The following CFTR variants were observed in gnomAD, a reference collection of about 807,000 sequenced individuals.
The protein encoded by CFTR is cystic fibrosis transmembrane conductance regulator.
In CFTR, 181 loss-of-function variants were observed where a neutral mutation model predicts 171.6. That is an observed-to-expected ratio of 1.05 (90% confidence interval 0.93 to 1.19). CFTR has a LOEUF of 1.19. Among genes scored for constraint, CFTR ranks in the 50% most tolerant of loss-of-function variants. CFTR has a pLI of 0.00. For synonymous variants in CFTR, 583 were observed against 608.0 expected, an observed-to-expected ratio of 0.96 and a Z score of 0.60; for missense variants, 1,968 against 1,734.7, an observed-to-expected ratio of 1.13 and a Z score of -2.39.
Position 117,666,974 on chromosome 7 carries a change from T to C in CFTR, c.4309T>C (p.Phe1437Leu). 6.2e-7 allele frequency: 1 copy of C among 1,614,018 alleles called. No individual in the cohort carries two copies. Among genetic ancestry groups the C allele is most frequent in the East Asian group, 2.2e-5 (1 of 44,846 alleles). Reference sequence around the variant, plus strand: ...GAAACTGCTGAACGAGAGGAGCCTCTTCCGGCAAGCCATCAGCCCCTCCGA... The same window carrying C: ...GAAACTGCTGAACGAGAGGAGCCTCCTCCGGCAAGCCATCAGCCCCTCCGA... Reference protein sequence around the residue: ...IQKLLNERSLFRQAISPSDRV... With the variant: ...IQKLLNERSLLRQAISPSDRV... The change falls in exon 27 of 27, where the codon TTC becomes CTC. Residue 1437 changes from phenylalanine (F) to leucine (L), a missense_variant. Phe to Leu is a conservative substitution (Grantham distance 22, BLOSUM62 0). Transcript: ENST00000003084.
At chr7:117,530,531 G>C (rs1387383278) in intron 3 of CFTR, among the ~76,000 whole-genome samples, 1 of 152,056 alleles carries the variant, frequency 6.6e-6, no homozygotes, top group Non-Finnish European at 1.5e-5. Flanking sequence ...AGCCTACTCT[G>C]ATACTGAAAG....
At chr7:117,583,314 T>G (rs1188215206) in intron 11 of CFTR, among the ~76,000 whole-genome samples, 1 of 149,208 alleles carries the variant, frequency 6.7e-6, no homozygotes, top group Non-Finnish European at 1.5e-5. Context: ...TAGTCTTTTA[T>G]CCCCCCCCCG....
chr7:117,573,068 CTCTCTT>C (rs1791720077), intron 11 of CFTR, among the ~76,000 whole-genome samples: 1 of 151,642 alleles, frequency 6.6e-6, no homozygotes, highest in African/African-American at 2.4e-5. Flanking sequence ...TGCTCTCTCT[CTCTCTT>C]TCTGTCAATA....
intron 10 of CFTR, among the ~76,000 whole-genome samples, chr7:117,551,957 G>A (rs1799278298): frequency 6.6e-6 from 1 of 152,048 alleles, no homozygotes; most frequent in African/African-American, 2.4e-5. Flanking sequence ...TATAGAATAA[G>A]CTATTAGCTC....
At chr7:117,486,896 GGAGAGAGA>G (rs138257490) in intron 1 of CFTR, among the ~76,000 whole-genome samples, 2 of 113,584 alleles carry the variant, frequency 1.8e-5, no homozygotes, top group African/African-American at 6.7e-5. Context: ...GAGGGGGCGG[GGAGAGAGA>G]GAGAGAGAGA....
At chr7:117,567,478 A>T (rs2115963282) in intron 11 of CFTR, among the ~76,000 whole-genome samples, 1 of 152,324 alleles carries the variant, frequency 6.6e-6, no homozygotes, top group East Asian at 1.9e-4. Flanking sequence ...TATTCCCATT[A>T]TTATATTTCA....
rs1282828056 is a variant in CFTR, at chr7:117,566,371, G to T, written c.1584+6716G>T. Among the ~76,000 whole-genome samples, 7 of 152,108 alleles carry T rather than the reference G, an allele frequency of 4.6e-5. No homozygotes were observed. The South Asian group carries it at 1.5e-3, about 32-fold the overall frequency. ...AATAGCTTGAACCCAGAAGGCGGAG[G>T]TTGCTGTGAGCTGAGATTGCGCCAC... On this transcript the variant is annotated intron_variant, in intron 11 of 26. Transcript: ENST00000003084.
chr7:117,551,608 G>A (rs1386173821), intron 10 of CFTR, among the ~76,000 whole-genome samples: 1 of 152,086 alleles, frequency 6.6e-6, no homozygotes. Context: ...CACTTGACAG[G>A]TATATTATAG....
intron 23 of CFTR, among the ~76,000 whole-genome samples, chr7:117,645,098 C>T (rs1792979333): frequency 1.3e-5 from 2 of 152,170 alleles, no homozygotes; most frequent in African/African-American, 4.8e-5. Context: ...CCACACATAA[C>T]TCCCACCTCA....
chr7:117,610,546 G>A lies in CFTR; in HGVS notation c.3016G>A (p.Ala1006Thr), dbSNP rs780295120. 1 of 1,613,268 alleles carries A rather than the reference G, an allele frequency of 6.2e-7. No individual in the cohort carries two copies. Among genetic ancestry groups the A allele is most frequent in the Non-Finnish European group, 8.5e-7 (1 of 1,179,548 alleles). Reference sequence around the variant, plus strand: ...GTTATTAATTGTGATTGGAGCTATAGCAGTTGTCGCAGTTTTACAACCCTA... The same window carrying A: ...GTTATTAATTGTGATTGGAGCTATAACAGTTGTCGCAGTTTTACAACCCTA... ...QLLLIVIGAI[A>T]VVAVLQPYIF... Residue 1006 changes from alanine to threonine, a missense_variant, in exon 19 of 27, where the codon GCA (alanine) becomes ACA (threonine). Ala to Thr is a moderately conservative substitution (Grantham distance 58). Coordinates refer to ENST00000003084, the MANE Select transcript of CFTR (RefSeq NM_000492.4).
intron 11 of CFTR, among the ~76,000 whole-genome samples, chr7:117,574,017 A>T (rs574225109): frequency 1.5e-4 from 23 of 152,128 alleles, no homozygotes; most frequent in Admixed American, 7.9e-4. Context: ...ACTGCTTTTT[A>T]AAAAAATTAT....
intron 21 of CFTR, among the ~76,000 whole-genome samples, chr7:117,623,264 C>T (rs1196794273): frequency 6.6e-6 from 1 of 152,210 alleles, no homozygotes; most frequent in Non-Finnish European, 1.5e-5. Flanking sequence ...AAGAAAAGTG[C>T]TCCTACGGAA....
chr7:117,545,002 G>A (rs994969433), intron 9 of CFTR, among the ~76,000 whole-genome samples: 2 of 152,172 alleles, frequency 1.3e-5, no homozygotes, highest in Admixed American at 6.5e-5. Flanking sequence ...AGGCCTCTGT[G>A]TTAGTCTGTT....
At chr7:117,647,447 T>G (rs774806789) in intron 23 of CFTR, 11 of 152,074 alleles carry the variant, frequency 7.2e-5, no homozygotes. Flanking sequence ...GAAGCAGGCA[T>G]GTTACACGAC....
chr7:117,514,188 T>TC (rs1308467198), intron 3 of CFTR, among the ~76,000 whole-genome samples: 1 of 152,068 alleles, frequency 6.6e-6, no homozygotes, highest in East Asian at 1.9e-4. Context: ...TTTTATTTTT[T>TC]CTTCTAAAAA....
intron 1 of CFTR, among the ~76,000 whole-genome samples, chr7:117,491,630 A>G (rs1174900935): frequency 1.3e-5 from 2 of 151,940 alleles, no homozygotes. Context: ...CTCTGTTTTC[A>G]TCTTCACATG....
intron 12 of CFTR, 34 bp from the exon 13 acceptor site, chr7:117,590,319 A>G: frequency 6.3e-7 from 1 of 1,593,602 alleles, no homozygotes; most frequent in Non-Finnish European, 8.6e-7. Flanking sequence ...GGAAATAGAG[A>G]GGAAATGTAA....
At chr7:117,615,289 C>T (rs1019266649) in intron 21 of CFTR, among the ~76,000 whole-genome samples, 1 of 151,966 alleles carries the variant, frequency 6.6e-6, no homozygotes, top group Non-Finnish European at 1.5e-5. Flanking sequence ...GATTGATCAT[C>T]AGCTCTATAC....
At chr7:117,619,633 TTC>T (rs1792543495) in intron 21 of CFTR, among the ~76,000 whole-genome samples, 1 of 151,538 alleles carries the variant, frequency 6.6e-6, no homozygotes, top group South Asian at 2.1e-4. Flanking sequence ...GTGAATATTA[TTC>T]TGTTTCTTTA....
Sources: gnomAD v4.1 joint callset for allele counts (sites outside exome capture counted in the v4.1 genomes callset) on GRCh38, gnomAD v4.1.1 for gene constraint, MANE v1.5 for transcripts, NCBI Gene and HGNC (gene_info 2026-07-23, HGNC 2026-07-21) for gene names.